The following EYS variants were observed in gnomAD, a reference collection of about 807,000 sequenced individuals.
EYS encodes the protein EGF-like photoreceptor maintenance factor.
Under a neutral mutation model 282.1 loss-of-function variants are expected in EYS, and 250 were observed. The observed-to-expected ratio is 0.89, with a 90% CI of 0.80 to 0.98. The LOEUF is 0.98. EYS is among the 50% of genes least tolerant of loss of function. EYS has a pLI of 0.00. For missense variants in EYS, 4,016 were observed against 3,709.0 expected, an observed-to-expected ratio of 1.08 and a Z score of -2.15; for synonymous variants, 1,355 against 1,282.9, an observed-to-expected ratio of 1.06 and a Z score of -1.20.
chr6:64,790,032 C>G (rs1479032714), intron 22 of EYS, among the ~76,000 whole-genome samples: 5 of 151,742 alleles, frequency 3.3e-5, no homozygotes, highest in African/African-American at 1.2e-4. Context: ...ATAAAAACAG[C>G]CAATAAATCA....
chr6:63,987,713 G>A (rs1406497257), intron 34 of EYS, among the ~76,000 whole-genome samples: 1 of 151,402 alleles, frequency 6.6e-6, no homozygotes, highest in Non-Finnish European at 1.5e-5. Flanking sequence ...ATTTAAATTG[G>A]TATTACAGAT....
intron 31 of EYS, among the ~76,000 whole-genome samples, chr6:64,193,644 TC>T (rs201393806): frequency 0.015 from 2,318 of 152,110 alleles, 58 homozygotes; most frequent in African/African-American, 0.053. Context: ...ATGCTATCCC[TC>T]CTCCCTACCC....
intron 15 of EYS, among the ~76,000 whole-genome samples, chr6:64,919,085 A>C (rs1768254354): frequency 6.6e-6 from 1 of 152,226 alleles, no homozygotes; most frequent in Admixed American, 6.5e-5. Flanking sequence ...ATAGGCAGGA[A>C]AGAGTTCTAC....
At chr6:64,614,718 G>T (rs1767217081) in intron 24 of EYS, among the ~76,000 whole-genome samples, 1 of 152,088 alleles carries the variant, frequency 6.6e-6, no homozygotes, top group Admixed American at 6.6e-5. Context: ...TTAGCCAACA[G>T]CTTGGGCAAA....
chr6:64,904,853 A>G (rs530593084), intron 16 of EYS, among the ~76,000 whole-genome samples: 139 of 152,284 alleles, frequency 9.1e-4, no homozygotes, highest in African/African-American at 3.1e-3. Context: ...GACATTTCTG[A>G]GATGGAGTTT....
At chr6:65,411,008 G>A (rs1197511404) in intron 5 of EYS, among the ~76,000 whole-genome samples, 1 of 151,916 alleles carries the variant, frequency 6.6e-6, no homozygotes, top group Non-Finnish European at 1.5e-5. Flanking sequence ...TTTGCCACAT[G>A]TCACACATCT....
intron 1 of EYS, among the ~76,000 whole-genome samples, chr6:65,662,556 T>C (rs1768044019): frequency 6.6e-6 from 1 of 152,208 alleles, no homozygotes; most frequent in African/African-American, 2.4e-5. Flanking sequence ...TAATCTACCA[T>C]AAAATTGTCT....
chr6:65,124,480 A>G (rs1380473963), intron 12 of EYS, among the ~76,000 whole-genome samples: 3 of 152,168 alleles, frequency 2.0e-5, no homozygotes, highest in African/African-American at 7.2e-5. Flanking sequence ...TTGTCAGAAT[A>G]AAAAATGGAG....
chr6:63,968,173 T>C (rs1432761361), intron 35 of EYS, among the ~76,000 whole-genome samples: 1 of 152,250 alleles, frequency 6.6e-6, no homozygotes, highest in East Asian at 1.9e-4. Context: ...TTTGGGGCTA[T>C]TTTAATTTGA....
intron 31 of EYS, among the ~76,000 whole-genome samples, chr6:64,141,391 C>T (rs1774333327): frequency 6.6e-6 from 1 of 152,200 alleles, no homozygotes; most frequent in Admixed American, 6.5e-5. Flanking sequence ...AATCACTTCT[C>T]AGAAGCTCTG....
chr6:63,987,105 A>T (rs1432952377), intron 34 of EYS, among the ~76,000 whole-genome samples: 1 of 151,686 alleles, frequency 6.6e-6, no homozygotes, highest in Non-Finnish European at 1.5e-5. Context: ...GGCAAATAAG[A>T]TGAATATTTC....
rs189823654 is a variant in EYS at position 65,557,536 on chromosome 6, G to A, written c.-332-61543C>T. Among the ~76,000 whole-genome samples the A allele has an allele frequency of 4.3e-3, 653 of 152,318 alleles. 6 individuals are homozygous for A. Among genetic ancestry groups the A allele is most frequent in the African/African-American group, 0.014 (596 of 41,566 alleles). On this transcript the variant is annotated intron_variant, in intron 2 of 42. Transcript: ENST00000503581. ...GAGCTCAAAGATGCCAGGAACTGCG[G>A]AGCCCCAAAGAGGGTGTTACAACAT... is the stretch of plus-strand genomic sequence containing the variant.
chr6:64,166,496 G>C (rs1764295601), intron 31 of EYS, among the ~76,000 whole-genome samples: 1 of 152,122 alleles, frequency 6.6e-6, no homozygotes, highest in Non-Finnish European at 1.5e-5. Flanking sequence ...ATAGTCTGTA[G>C]AAAAATTATC....
chr6:64,592,427 A>T (rs1766441750), intron 25 of EYS, among the ~76,000 whole-genome samples: 1 of 152,126 alleles, frequency 6.6e-6, no homozygotes, highest in Admixed American at 6.6e-5. Flanking sequence ...TTTCAATTTA[A>T]TTTTTTAAAA....
At chr6:64,294,350 T>C (rs1424634392) in intron 30 of EYS, among the ~76,000 whole-genome samples, 1 of 152,210 alleles carries the variant, frequency 6.6e-6, no homozygotes, top group African/African-American at 2.4e-5. Flanking sequence ...TTTAAATATT[T>C]TGATAAATTT....
chr6:64,521,659 G>A (rs1777741832), intron 26 of EYS, among the ~76,000 whole-genome samples: 1 of 151,874 alleles, frequency 6.6e-6, no homozygotes, highest in Admixed American at 6.6e-5. Context: ...TTCTTGAAAA[G>A]GGTGACAATG....
chr6:64,896,336 G>C (rs542585034), intron 18 of EYS, among the ~76,000 whole-genome samples: 1 of 152,092 alleles, frequency 6.6e-6, no homozygotes, highest in Admixed American at 6.6e-5. Flanking sequence ...AAGGGGTCAG[G>C]GGCCTCCCTC....
intron 15 of EYS, among the ~76,000 whole-genome samples, chr6:64,918,291 A>G (rs757403329): frequency 1.3e-5 from 2 of 152,188 alleles, no homozygotes; most frequent in Non-Finnish European, 2.9e-5. Context: ...GTAAAAACAT[A>G]TGAGAAGATT....
chr6:64,013,303 T>C (rs528951077), intron 33 of EYS, among the ~76,000 whole-genome samples: 33 of 152,308 alleles, frequency 2.2e-4, no homozygotes, highest in Admixed American at 1.4e-3. Flanking sequence ...CAGCATATTC[T>C]CTAGATTTCA....
Sources: gnomAD v4.1 joint callset for allele counts (sites outside exome capture counted in the v4.1 genomes callset) on GRCh38, gnomAD v4.1.1 for gene constraint, MANE v1.5 for transcripts, NCBI Gene and HGNC (gene_info 2026-07-23, HGNC 2026-07-21) for gene names.